The following ANK3 variants were observed in gnomAD, a reference collection of about 807,000 sequenced individuals.
ANK3 encodes the protein ankyrin 3.
Under a neutral mutation model 370.9 loss-of-function variants are expected in ANK3, and 57 were observed. The ratio of observed to expected loss-of-function variants is 0.15; its 90% CI spans 0.12 to 0.19. ANK3 has a LOEUF of 0.19. ANK3 is among the 10% of genes least tolerant of loss of function. The pLI is 1.00. For synonymous variants in ANK3, 1,929 were observed against 1,946.3 expected (o/e 0.99, Z 0.23); for missense variants, 4,439 against 5,302.1 (o/e 0.84, Z 5.06).
chr10:60,177,903 T>C (rs994141190), intron 18 of ANK3, among the ~76,000 whole-genome samples: 3 of 152,146 alleles, frequency 2.0e-5, no homozygotes, highest in Non-Finnish European at 2.9e-5. Flanking sequence ...TTTAATTATC[T>C]CTCTAATTTC....
At chr10:60,233,393 A>G (rs1406029218) in intron 8 of ANK3, among the ~76,000 whole-genome samples, 2 of 152,178 alleles carry the variant, frequency 1.3e-5, no homozygotes, top group Non-Finnish European at 2.9e-5. Flanking sequence ...CATGACATAA[A>G]CACCTAGATT....
intron 1 of ANK3, among the ~76,000 whole-genome samples, chr10:60,306,915 G>T (rs1172795165): frequency 6.6e-6 from 1 of 152,068 alleles, no homozygotes; most frequent in Non-Finnish European, 1.5e-5. Context: ...GAAATTTTTT[G>T]TATAGACAGG....
At chr10:60,157,868 CAGAGAGAGAGAGAGAAAAAGAGAGAGAG>C (rs1198010886) in intron 23 of ANK3, among the ~76,000 whole-genome samples, 1 of 118,388 alleles carries the variant, frequency 8.4e-6, no homozygotes, top group Non-Finnish European at 1.8e-5. Context: ...AATGGAGAGA[CAGAGAGAGAGAGAGAAAAAGAGAGAGAG>C]AGAGAGAGAG....
chr10:60,218,360 C>T (rs2132476666), intron 8 of ANK3, among the ~76,000 whole-genome samples: 1 of 110,996 alleles, frequency 9.0e-6, no homozygotes, highest in East Asian at 3.1e-4. Context: ...TTAGTTGATT[C>T]TGTTTCCTCA....
chr10:60,087,416 G>A (rs2132025047), intron 29 of ANK3, among the ~76,000 whole-genome samples: 1 of 152,202 alleles, frequency 6.6e-6, no homozygotes, highest in African/African-American at 2.4e-5. Flanking sequence ...GCAGGTGAAG[G>A]GAGCTTCATA....
At chr10:60,209,970 G>C (rs1201751439) in intron 9 of ANK3, among the ~76,000 whole-genome samples, 2 of 151,972 alleles carry the variant, frequency 1.3e-5, no homozygotes, top group Non-Finnish European at 2.9e-5. Flanking sequence ...TCTGCCCTAT[G>C]GAAAGAGGTG....
At chr10:60,679,862 G>A (rs1404611278) in intron 1 of ANK3, among the ~76,000 whole-genome samples, 2 of 152,088 alleles carry the variant, frequency 1.3e-5, no homozygotes, top group African/African-American at 2.4e-5. Flanking sequence ...GGGGCCCAGC[G>A]TGGTGGCTCA....
intron 25 of ANK3, among the ~76,000 whole-genome samples, chr10:60,115,721 C>T (rs570876184): frequency 3.0e-4 from 45 of 150,894 alleles, no homozygotes; most frequent in African/African-American, 1.0e-3. Flanking sequence ...AAGTTAGAGC[C>T]CTAAATGGAA....
rs554909971 is a variant in ANK3 at position 60,377,794 on chromosome 10, T to C, written c.114+11631A>G. Among the ~76,000 whole-genome samples the C allele has an allele frequency of 1.6e-4, 24 of 152,308 alleles. 1 individual carries two copies. Among genetic ancestry groups the C allele is most frequent in the Middle Eastern group, 3.4e-3 (1 of 294 alleles). On this transcript the variant is annotated intron_variant, in intron 1 of 43. Coordinates refer to ENST00000280772, the MANE Select transcript of ANK3 (RefSeq NM_020987.5). ...CAGCCTCTGAATTTATCAGTAATAG[T>C]GATAAAAAGCAATTTCTAAGCCTTG...
At chr10:60,534,776 A>T (rs1233483424) in intron 2 of ANK3, among the ~76,000 whole-genome samples, 2 of 152,138 alleles carry the variant, frequency 1.3e-5, no homozygotes, top group Non-Finnish European at 2.9e-5. Flanking sequence ...TAAAATGGCA[A>T]TTTTCTATTT....
intron 1 of ANK3, among the ~76,000 whole-genome samples, chr10:60,711,441 T>C (rs543420804): frequency 6.6e-6 from 1 of 152,080 alleles, no homozygotes; most frequent in South Asian, 2.1e-4. Flanking sequence ...AGAATGCCTT[T>C]AATAGGCTCA....
chr10:60,623,373 G>A (rs1056850470), intron 1 of ANK3, among the ~76,000 whole-genome samples: 3 of 152,092 alleles, frequency 2.0e-5, no homozygotes, highest in African/African-American at 7.2e-5. Context: ...TTGACAGTGA[G>A]GGCACTATCA....
intron 33 of ANK3, 104 bp downstream of exon 33, chr10:60,083,388 G>C: frequency 8.1e-7 from 1 of 1,239,244 alleles, no homozygotes; most frequent in Non-Finnish European, 1.1e-6. Context: ...GTTCAGATTT[G>C]ACGGGGTATT....
chr10:60,544,899 G>A (rs2076927346), intron 2 of ANK3, among the ~76,000 whole-genome samples: 1 of 150,464 alleles, frequency 6.6e-6, no homozygotes, highest in African/African-American at 2.5e-5. Flanking sequence ...TGGTAGATGT[G>A]TAGTTACATG....
chr10:60,186,427 T>G (rs1017018775), intron 17 of ANK3, among the ~76,000 whole-genome samples: 3 of 151,412 alleles, frequency 2.0e-5, no homozygotes, highest in Admixed American at 6.6e-5. Context: ...CAGAGCTCAC[T>G]GCAGCCTCCA....
chr10:60,546,191 ATGCC>A (rs1368182593), intron 2 of ANK3, among the ~76,000 whole-genome samples: 1 of 152,116 alleles, frequency 6.6e-6, no homozygotes, highest in Non-Finnish European at 1.5e-5. Context: ...ATGCACCACC[ATGCC>A]TGGCTAATTT....
intron 1 of ANK3, among the ~76,000 whole-genome samples, chr10:60,633,148 C>T (rs1422567848): frequency 2.0e-5 from 3 of 152,088 alleles, no homozygotes; most frequent in East Asian, 1.9e-4. Flanking sequence ...TTCTGAAATG[C>T]AATTTCCACC....
rs752506632 is a variant in ANK3, at chr10:60,059,334, C to T, written c.12686+6G>A. On this transcript the variant is annotated splice_donor_region_variant and intron_variant, in intron 41 of 43. Coordinates refer to ENST00000280772, the MANE Select transcript of ANK3 (RefSeq NM_020987.5). Reference sequence around the variant, plus strand: ...GTTCACTTTCCTTTTTTTGAAACAGCCATACCTGTCATCCAGTCGATCTAG... The same window carrying T: ...GTTCACTTTCCTTTTTTTGAAACAGTCATACCTGTCATCCAGTCGATCTAG... 1.2e-6 allele frequency: 2 copies of T among 1,612,878 alleles called. No homozygotes were observed. The highest frequency in any genetic ancestry group is 8.5e-7 in the Non-Finnish European group (1 of 1,178,954).
intron 14 of ANK3, among the ~76,000 whole-genome samples, 184 bp downstream of exon 14, chr10:60,198,155 AC>A (rs1274777268): frequency 6.6e-6 from 1 of 151,814 alleles, no homozygotes; most frequent in Non-Finnish European, 1.5e-5. Flanking sequence ...AAGGCAAAAA[AC>A]CCCCCACAAA....
Sources: gnomAD v4.1 joint callset for allele counts (sites outside exome capture counted in the v4.1 genomes callset) on GRCh38, gnomAD v4.1.1 for gene constraint, MANE v1.5 for transcripts, NCBI Gene and HGNC (gene_info 2026-07-23, HGNC 2026-07-21) for gene names.